Variants in CNTNAP5 observed in about 807,000 individuals in gnomAD.
CNTNAP5 encodes contactin-associated protein-like 5.
A neutral mutation model predicts 150.2 loss-of-function variants in CNTNAP5; 72 were observed. The ratio of observed to expected loss-of-function variants is 0.48; its 90% confidence interval spans 0.40 to 0.58. The LOEUF is 0.58. CNTNAP5 is among the 20% of genes least tolerant of loss of function. The probability of loss-of-function intolerance (pLI) is 0.00; values close to 1 mark genes in which losing one functional copy is unlikely to be tolerated. For synonymous variants in CNTNAP5, 672 were observed against 619.8 expected, an observed-to-expected ratio of 1.08 and a Z score of -1.25; for missense variants, 1,636 against 1,626.2, an observed-to-expected ratio of 1.01 and a Z score of -0.10.
intron 4 of CNTNAP5, among the ~76,000 whole-genome samples, chr2:124,423,500 C>T (rs558577483): frequency 8.0e-4 from 121 of 152,050 alleles, no homozygotes; most frequent in African/African-American, 2.7e-3. Context: ...ATATGGGAAG[C>T]TAATTAACTT....
intron 19 of CNTNAP5, among the ~76,000 whole-genome samples, chr2:124,807,339 G>T (rs1214438900): frequency 6.6e-6 from 1 of 152,178 alleles, no homozygotes; most frequent in African/African-American, 2.4e-5. Flanking sequence ...TGGGTCGGGG[G>T]ATAGTTTCCA....
intron 21 of CNTNAP5, among the ~76,000 whole-genome samples, chr2:124,875,073 A>G (rs1414489877): frequency 6.6e-6 from 1 of 152,096 alleles, no homozygotes; most frequent in East Asian, 1.9e-4. Context: ...ACATGTTAAA[A>G]TGAGTTCTGA....
intron 1 of CNTNAP5, among the ~76,000 whole-genome samples, chr2:124,157,422 A>G (rs1281254137): frequency 6.6e-6 from 1 of 151,498 alleles, no homozygotes; most frequent in East Asian, 1.9e-4. Context: ...TCTTGGAGAC[A>G]AGAAACTGAA....
At position 124,709,216 on chromosome 2, in the gene CNTNAP5, GGTGT is replaced by G. The variant is rs372309041; in HGVS notation, c.2078-38001_2078-37998del. ...ACTGCAAGCTTCCTGGGGGAGGGAG[GGTGT>G]GTGTGTGTGTGCGTGTGTGTGTGTG... is the stretch of plus-strand genomic sequence containing the variant. On this transcript the variant is annotated intron_variant, in intron 13 of 23. Coordinates refer to ENST00000682447, the MANE Select transcript of CNTNAP5 (RefSeq NM_001367498.1). Among the ~76,000 whole-genome samples, 69 of 138,710 alleles carry G rather than the reference GGTGT, an allele frequency of 5.0e-4. 1 individual carries two copies. Among genetic ancestry groups the G allele is most frequent in the Non-Finnish European group, 1.7e-4 (11 of 62,884 alleles). 91.0% of individuals were successfully genotyped at this position (138,710 alleles called of 152,430 possible). A position where few individuals can be genotyped will look rare whatever the true frequency, so the allele number is the denominator to read the frequency against.
intron 11 of CNTNAP5, among the ~76,000 whole-genome samples, chr2:124,607,870 C>G (rs1011086297): frequency 2.0e-5 from 3 of 152,086 alleles, no homozygotes; most frequent in Non-Finnish European, 4.4e-5. Context: ...AGGGCATTAT[C>G]AGGTTTAGGC....
At chr2:124,376,201 T>G (rs1690645468) in intron 3 of CNTNAP5, among the ~76,000 whole-genome samples, 1 of 152,112 alleles carries the variant, frequency 6.6e-6, no homozygotes, top group Admixed American at 6.6e-5. Flanking sequence ...CTGCTTATCA[T>G]GAATTCAGGC....
At chr2:124,039,908 A>T (rs2104630136) in intron 1 of CNTNAP5, among the ~76,000 whole-genome samples, 1 of 152,224 alleles carries the variant, frequency 6.6e-6, no homozygotes, top group South Asian at 2.1e-4. Flanking sequence ...TTTCATGGTT[A>T]GTGCACCTGG....
chr2:124,562,315 A>T (rs115263770), intron 10 of CNTNAP5, among the ~76,000 whole-genome samples: 2,362 of 150,422 alleles, frequency 0.016, 32 homozygotes, highest in Non-Finnish European at 0.025. Flanking sequence ...TTGTCCTGTT[A>T]TAATCATGTT....
At chr2:124,483,969 T>A (rs2104842554) in intron 7 of CNTNAP5, among the ~76,000 whole-genome samples, 1 of 152,330 alleles carries the variant, frequency 6.6e-6, no homozygotes, top group Middle Eastern at 3.4e-3. Flanking sequence ...TTACTTTTTG[T>A]TTGTTTCTCC....
chr2:124,245,331 G>A lies in CNTNAP5; in HGVS notation c.381+2938G>A, dbSNP rs1013573340. ...ATTGGTGATTTCATCAGATTACGCT[G>A]CTGGATTAAAGAGATTATCTTGAGA... On this transcript the variant is annotated intron_variant, in intron 3 of 23. Transcript: ENST00000682447. Among the ~76,000 whole-genome samples the A allele has an allele frequency of 4.6e-5, 7 of 152,188 alleles. No individual in the cohort carries two copies. The East Asian group carries it at 9.7e-4, about 21-fold the overall frequency.
intron 7 of CNTNAP5, among the ~76,000 whole-genome samples, chr2:124,489,676 A>G (rs1693973187): frequency 6.6e-6 from 1 of 152,162 alleles, no homozygotes; most frequent in African/African-American, 2.4e-5. Flanking sequence ...TTTCAGCTCC[A>G]TGAAGTAGTC....
rs1682644930 is a variant in CNTNAP5, at chr2:124,828,473, T to A, written c.3217+30153T>A. Among the ~76,000 whole-genome samples, 3 of 151,860 alleles carry A rather than the reference T, an allele frequency of 2.0e-5. No homozygotes were observed. In the South Asian group the frequency reaches 6.2e-4, roughly 31 times the overall value. ...TCCAGCCTGGGTGACAGAGTGAGAC[T>A]CCATCTCAAAAAACAAAAAACAAAA... is the stretch of plus-strand genomic sequence containing the variant. On this transcript the variant is annotated intron_variant, in intron 19 of 23. Transcript: ENST00000682447.
At chr2:124,391,584 T>A (rs926178330) in intron 3 of CNTNAP5, among the ~76,000 whole-genome samples, 3 of 152,202 alleles carry the variant, frequency 2.0e-5, no homozygotes, top group Non-Finnish European at 4.4e-5. Context: ...TTGTTTTAAC[T>A]CTTGTGGAAG....
rs567699291 is a variant in CNTNAP5, at chr2:124,552,866, C to T, written c.1650-10351C>T. On this transcript the variant is annotated intron_variant, in intron 10 of 23. Transcript: ENST00000682447. ...ACTTTCCAATCTCTTTACGTACAGA[C>T]GTACTATTCGTTTTAATGTCTCATG... Among the ~76,000 whole-genome samples the T allele has an allele frequency of 2.2e-4, 33 of 152,270 alleles. 1 individual carries two copies. Among genetic ancestry groups the T allele is most frequent in the African/African-American group, 7.5e-4 (31 of 41,562 alleles).
intron 1 of CNTNAP5, among the ~76,000 whole-genome samples, chr2:124,168,256 T>C (rs1371711079): frequency 6.6e-6 from 1 of 152,194 alleles, no homozygotes; most frequent in East Asian, 1.9e-4. Flanking sequence ...TCTGATCATT[T>C]CCTAACAAAT....
In CNTNAP5 at chr2:124,789,203, A is replaced by C. The variant is rs1036070867; in HGVS notation, c.2753-699A>C. 3.3e-5 allele frequency among the ~76,000 whole-genome samples: 5 copies of C among 152,120 alleles called. No homozygotes were observed. In the South Asian group the frequency reaches 1.0e-3, roughly 32 times the overall value. ...TAACTTTGCCAGAAAGGACAGTCCC[A>C]CTCTGTGCCTTCCACTTCAGATGAA... On this transcript the variant is annotated intron_variant, in intron 17 of 23. Transcript: ENST00000682447.
At chr2:124,026,448 G>A (rs1244628245) in intron 1 of CNTNAP5, among the ~76,000 whole-genome samples, 1 of 152,136 alleles carries the variant, frequency 6.6e-6, no homozygotes, top group Non-Finnish European at 1.5e-5. Flanking sequence ...GCAAGTGTAG[G>A]ACATTTAATT....
intron 7 of CNTNAP5, among the ~76,000 whole-genome samples, chr2:124,494,349 T>C (rs773815240): frequency 6.6e-6 from 1 of 152,026 alleles, no homozygotes; most frequent in Non-Finnish European, 1.5e-5. Flanking sequence ...CCTGGAGTTG[T>C]TGTTCAAGGA....
intron 18 of CNTNAP5, among the ~76,000 whole-genome samples, chr2:124,795,651 G>A (rs1317687872): frequency 1.1e-4 from 17 of 152,062 alleles, no homozygotes; most frequent in Admixed American, 5.9e-4. Context: ...CCCAGTAGCT[G>A]GTATTACAAG....
Sources: allele counts gnomAD v4.1 joint callset (sites outside exome capture counted in the v4.1 genomes callset), GRCh38; gene constraint gnomAD v4.1.1; transcripts MANE v1.5; gene names NCBI Gene and HGNC (gene_info 2026-07-23, HGNC 2026-07-21).